CNTNAP2: variants seen among roughly 807,000 people sequenced by gnomAD.
CNTNAP2 encodes the protein contactin-associated protein-like 2.
A neutral mutation model predicts 155.2 loss-of-function variants in CNTNAP2; 98 were observed. That is an observed-to-expected ratio of 0.63 (90% CI 0.54 to 0.75). The LOEUF is 0.75. CNTNAP2 is among the 30% of genes least tolerant of loss of function. The pLI is 0.00. For synonymous variants in CNTNAP2, 651 were observed against 631.2 expected (o/e 1.03, Z -0.47); for missense variants, 1,727 against 1,688.1 (o/e 1.02, Z -0.40).
intron 15 of CNTNAP2, among the ~76,000 whole-genome samples, chr7:148,087,919 T>A (rs1803764883): frequency 6.6e-6 from 1 of 152,158 alleles, no homozygotes; most frequent in Non-Finnish European, 1.5e-5. Flanking sequence ...GATTATATAT[T>A]GCTATGCTCT....
At position 147,826,690 on chromosome 7, in the gene CNTNAP2, C is replaced by A. The variant is rs372695643; in HGVS notation, c.2099-76875C>A. Among the ~76,000 whole-genome samples the A allele has an allele frequency of 3.2e-4, 49 of 152,148 alleles. 1 individual carries two copies. The highest frequency in any genetic ancestry group is 1.0e-3 in the African/African-American group (42 of 41,508). ...TTCACTGACTGATATAAACAGCAAG[C>A]TATTTCAACAGATAGAGAACGCTGG... On this transcript the variant is annotated intron_variant, in intron 13 of 23. Transcript: ENST00000361727.
chr7:146,684,359 A>G (rs1236680543), intron 1 of CNTNAP2, among the ~76,000 whole-genome samples: 1 of 152,162 alleles, frequency 6.6e-6, no homozygotes, highest in Non-Finnish European at 1.5e-5. Context: ...CTATTTATGT[A>G]TCAATAGCTA....
intron 12 of CNTNAP2, among the ~76,000 whole-genome samples, chr7:147,628,610 C>G (rs577190228): frequency 2.9e-4 from 44 of 152,118 alleles, no homozygotes; most frequent in African/African-American, 1.0e-3. Flanking sequence ...ATGAAGAAAA[C>G]AGTACCTCAC....
At chr7:146,127,528 A>C (rs572232240) in intron 1 of CNTNAP2, among the ~76,000 whole-genome samples, 1 of 152,322 alleles carries the variant, frequency 6.6e-6, no homozygotes, top group South Asian at 2.1e-4. Flanking sequence ...ATGTGTATCT[A>C]TCATAAGGGA....
intron 8 of CNTNAP2, among the ~76,000 whole-genome samples, chr7:147,288,550 C>T (rs1805232619): frequency 6.6e-6 from 1 of 152,176 alleles, no homozygotes; most frequent in Admixed American, 6.5e-5. Context: ...CATAAGAAAT[C>T]AGAGAAAGCA....
intron 9 of CNTNAP2, among the ~76,000 whole-genome samples, chr7:147,385,473 T>A (rs1032191150): frequency 2.6e-5 from 4 of 152,202 alleles, no homozygotes; most frequent in Non-Finnish European, 5.9e-5. Context: ...CGTACAGGCA[T>A]TGGGTTACTA....
intron 11 of CNTNAP2, among the ~76,000 whole-genome samples, chr7:147,519,083 A>G (rs1305735027): frequency 6.6e-6 from 1 of 151,996 alleles, no homozygotes; most frequent in East Asian, 1.9e-4. Flanking sequence ...CTAACAAATT[A>G]TCACAAATGT....
At chr7:147,302,015 T>C (rs1794954312) in intron 9 of CNTNAP2, among the ~76,000 whole-genome samples, 1 of 152,176 alleles carries the variant, frequency 6.6e-6, no homozygotes, top group Non-Finnish European at 1.5e-5. Context: ...TAAGACTACA[T>C]GATTTTTAAA....
At chr7:147,854,070 G>A (rs1462810810) in intron 13 of CNTNAP2, among the ~76,000 whole-genome samples, 1 of 152,156 alleles carries the variant, frequency 6.6e-6, no homozygotes, top group Non-Finnish European at 1.5e-5. Flanking sequence ...CACTGTGCAA[G>A]ATGTTTATGT....
chr7:147,729,428 G>GCGCA (rs1554427391), intron 13 of CNTNAP2, among the ~76,000 whole-genome samples: 26 of 149,320 alleles, frequency 1.7e-4, no homozygotes, highest in Admixed American at 4.7e-4. Context: ...ACACACACAC[G>GCGCA]CACACACACA....
In CNTNAP2 at chr7:148,418,815, G is replaced by A. The variant is rs1057285395; in HGVS notation, c.*3199G>A. 6.6e-6 allele frequency: 1 copy of A among 152,198 alleles called. No homozygotes were observed. The highest frequency in any genetic ancestry group is 2.4e-5 in the African/African-American group (1 of 41,458). The allele number at this position is 152,198 out of a possible 1,614,324, so 9.4% of individuals were successfully genotyped here. ...ATTTAGAGAGCCATTCCTAGAAAATGTCCTACTGCCCTGCATTTGACAAAC... is the reference window on the plus strand; with the variant it reads ...ATTTAGAGAGCCATTCCTAGAAAATATCCTACTGCCCTGCATTTGACAAAC... On this transcript the variant is annotated 3_prime_UTR_variant, in exon 24 of 24. Coordinates refer to ENST00000361727, the MANE Select transcript of CNTNAP2 (RefSeq NM_014141.6).
At chr7:148,066,536 C>T (rs762383464) in intron 15 of CNTNAP2, among the ~76,000 whole-genome samples, 5 of 151,600 alleles carry the variant, frequency 3.3e-5, no homozygotes, top group African/African-American at 4.9e-5. Flanking sequence ...CTCACTCTTT[C>T]GCCCAGGCCG....
Position 147,043,037 on chromosome 7 carries a change from T to C in CNTNAP2, c.403-870T>C, listed in dbSNP as rs181935794. ...TTTATTTGAATTATATCTTCTAAAA[T>C]ATAATAGTTTCTTTCTTTAAATCTT... is the stretch of plus-strand genomic sequence containing the variant. On this transcript the variant is annotated intron_variant, in intron 3 of 23. Transcript: ENST00000361727. Among the ~76,000 whole-genome samples the C allele has an allele frequency of 3.6e-3, 541 of 152,246 alleles. 9 individuals are homozygous for C. The highest frequency in any genetic ancestry group is 0.014 in the Middle Eastern group (4 of 294).
intron 1 of CNTNAP2, among the ~76,000 whole-genome samples, chr7:146,166,329 G>A (rs1798312018): frequency 6.6e-6 from 1 of 152,096 alleles, no homozygotes; most frequent in South Asian, 2.1e-4. Flanking sequence ...CTGACCTCAG[G>A]TGACCTGCCC....
At chr7:148,166,019 A>T (rs940115695) in intron 17 of CNTNAP2, among the ~76,000 whole-genome samples, 1 of 151,714 alleles carries the variant, frequency 6.6e-6, no homozygotes, top group African/African-American at 2.4e-5. Context: ...CCCTCTCTCC[A>T]TGGACGAGCT....
At chr7:148,395,473 G>A (rs1799448082) in intron 22 of CNTNAP2, among the ~76,000 whole-genome samples, 1 of 152,006 alleles carries the variant, frequency 6.6e-6, no homozygotes, top group African/African-American at 2.4e-5. Context: ...TTTGCTAAGG[G>A]ACCTGAAAAG....
At chr7:147,380,563 C>T (rs1310126856) in intron 9 of CNTNAP2, among the ~76,000 whole-genome samples, 3 of 152,048 alleles carry the variant, frequency 2.0e-5, no homozygotes, top group East Asian at 3.9e-4. Context: ...CACTCCTAAG[C>T]ATCAAAGCCA....
chr7:147,406,273 CTT>C (rs1307032589), intron 10 of CNTNAP2, among the ~76,000 whole-genome samples: 1 of 152,090 alleles, frequency 6.6e-6, no homozygotes, highest in Admixed American at 6.5e-5. Context: ...GTATAAGACT[CTT>C]TTACTTTCAT....
intron 3 of CNTNAP2, among the ~76,000 whole-genome samples, chr7:147,024,550 G>T (rs1288905547): frequency 6.6e-6 from 1 of 152,108 alleles, no homozygotes; most frequent in Non-Finnish European, 1.5e-5. Context: ...AAGAAAAGAG[G>T]CTTAATTGGC....
Sources: gnomAD v4.1 joint callset for allele counts (sites outside exome capture counted in the v4.1 genomes callset) on GRCh38, gnomAD v4.1.1 for gene constraint, MANE v1.5 for transcripts, NCBI Gene and HGNC (gene_info 2026-07-23, HGNC 2026-07-21) for gene names.